CASZ1: variants seen among roughly 807,000 people sequenced by gnomAD.
The protein encoded by CASZ1 is castor zinc finger 1.
CASZ1 carries 28 observed loss-of-function variants against 135.2 expected under a neutral mutation model. The observed-to-expected ratio is 0.21, with a 90% CI of 0.15 to 0.28. The LOEUF is 0.28. Among genes scored for constraint, CASZ1 ranks in the 10% least tolerant of loss-of-function variants. The probability of loss-of-function intolerance (pLI) is 1.00; values close to 1 mark genes in which losing one functional copy is unlikely to be tolerated. For missense variants in CASZ1, 2,161 were observed against 2,453.3 expected (o/e 0.88, Z 2.52); for synonymous variants, 1,068 against 1,073.4 (o/e 0.99, Z 0.10).
intron 1 of CASZ1, among the ~76,000 whole-genome samples, chr1:10,770,021 C>G (rs1640547224): frequency 6.6e-6 from 1 of 152,220 alleles, no homozygotes; most frequent in South Asian, 2.1e-4. Context: ...AACCAGGTAT[C>G]TCTGTCTCCC....
intron 2 of CASZ1, among the ~76,000 whole-genome samples, chr1:10,752,988 G>C (rs1174721492): frequency 6.6e-6 from 1 of 152,152 alleles, no homozygotes; most frequent in Non-Finnish European, 1.5e-5. Flanking sequence ...AGCAAGCCGA[G>C]ATTGTGCCAT....
intron 2 of CASZ1, among the ~76,000 whole-genome samples, chr1:10,716,527 T>C (rs1377426637): frequency 6.6e-6 from 1 of 152,232 alleles, no homozygotes; most frequent in African/African-American, 2.4e-5. Flanking sequence ...GTGGCTGCAC[T>C]TGAGCCCCTG....
chr1:10,703,616 C>T (rs946886801), intron 3 of CASZ1, among the ~76,000 whole-genome samples: 5 of 151,062 alleles, frequency 3.3e-5, no homozygotes, highest in Middle Eastern at 3.2e-3. Flanking sequence ...ACCTGTGGGG[C>T]TTTTTTTTTC....
intron 13 of CASZ1, 79 bp from the exon 14 acceptor site, chr1:10,649,516 G>A: frequency 6.8e-7 from 1 of 1,470,674 alleles, no homozygotes; most frequent in South Asian, 1.3e-5. Flanking sequence ...AACAGCCGAA[G>A]CTCTGGGCTG....
At chr1:10,728,455 C>A (rs186630752) in intron 2 of CASZ1, among the ~76,000 whole-genome samples, 56 of 152,326 alleles carry the variant, frequency 3.7e-4, no homozygotes, top group African/African-American at 1.3e-3. Context: ...CCAGGACAAT[C>A]CTGTCCCACT....
intron 4 of CASZ1, among the ~76,000 whole-genome samples, chr1:10,668,935 G>C (rs565986758): frequency 6.6e-6 from 1 of 152,360 alleles, no homozygotes; most frequent in South Asian, 2.1e-4. Flanking sequence ...AGAGGCAGGG[G>C]ACAGAGAAGA....
At chr1:10,651,878 A>G (rs1463460805) in intron 11 of CASZ1, 1 of 152,180 alleles carries the variant, frequency 6.6e-6, no homozygotes, top group Non-Finnish European at 1.5e-5. Context: ...TTTTGGGAGA[A>G]GGAGACTTTT....
intron 5 of CASZ1, among the ~76,000 whole-genome samples, chr1:10,661,852 A>C (rs1001539704): frequency 6.6e-6 from 1 of 152,004 alleles, no homozygotes; most frequent in African/African-American, 2.4e-5. Context: ...ACACACATGC[A>C]TTCTCATACA....
rs1362894952 is a variant in CASZ1 at position 10,653,722 on chromosome 1, C to G, written c.2335G>C (p.Gly779Arg). The stretch of plus-strand genomic sequence containing the variant: ...GCCAGGGGGATTGAGCCAGGCAGGC[C>G]CTGGGGCAGCAGCCCCGAGATCTTG... ...NSKISGLLPQGLPGSIPLALA... is the reference protein window; with the variant it reads ...NSKISGLLPQRLPGSIPLALA... The change falls in exon 11 of 21, where the codon GGC becomes CGC. Residue 779 changes from glycine to arginine, a missense_variant. This residue lies in a region of CASZ1 where 406 missense variants were observed against 387.6 expected (regional missense o/e 1.05). Transcript: ENST00000377022. 6.2e-7 allele frequency: 1 copy of G among 1,603,962 alleles called. No individual in the cohort carries two copies. Among genetic ancestry groups the G allele is most frequent in the Non-Finnish European group, 8.5e-7 (1 of 1,174,876 alleles).
rs1232820889 is a variant in CASZ1, at chr1:10,679,026, G to T, written c.17-13455C>A. Among the ~76,000 whole-genome samples the T allele has an allele frequency of 3.9e-5, 6 of 152,010 alleles. No homozygotes were observed. The highest frequency in any genetic ancestry group is 8.8e-5 in the Non-Finnish European group (6 of 67,988). ...GTGAGCCAGCCCACCCCTGGCTTCC[G>T]CTCTCTGGCTATCTCTGGCCTATGC... On this transcript the variant is annotated intron_variant, in intron 4 of 20. Transcript: ENST00000377022. This position sits in a 1 kb window ranked among gnomAD's most constrained non-coding sequence, Gnocchi z 4.7.
At chr1:10,653,206 T>A in intron 11 of CASZ1, 171 bp downstream of exon 11, 1 of 741,032 alleles carries the variant, frequency 1.3e-6, no homozygotes, top group Non-Finnish European at 2.3e-6. Context: ...GGGCCCCACA[T>A]AGAAACCAAC....
chr1:10,755,645 G>A lies in CASZ1; in HGVS notation c.-77+5056C>T, dbSNP rs205485. Among the ~76,000 whole-genome samples the A allele has an allele frequency of 2.0e-5, 3 of 152,034 alleles. No individual in the cohort carries two copies. Among genetic ancestry groups the A allele is most frequent in the Admixed American group, 6.5e-5 (1 of 15,278 alleles). ...CCTGCATCTGCTCCGAAGGCAGGGG[G>A]TGTGGGGAGAACGGAGGAAGGAGGC... On this transcript the variant is annotated intron_variant, in intron 2 of 20. Coordinates refer to ENST00000377022, the MANE Select transcript of CASZ1 (RefSeq NM_001079843.3). This position sits in a 1 kb window ranked among gnomAD's most constrained non-coding sequence, Gnocchi z 4.3.
At chr1:10,690,199 G>A (rs1490407611) in intron 4 of CASZ1, among the ~76,000 whole-genome samples, 1 of 152,224 alleles carries the variant, frequency 6.6e-6, no homozygotes. Context: ...TGCCTGGCAG[G>A]TCGAAGGTGT....
intron 1 of CASZ1, among the ~76,000 whole-genome samples, chr1:10,793,651 G>A (rs1641002407): frequency 7.1e-6 from 1 of 140,326 alleles, no homozygotes; most frequent in South Asian, 2.3e-4. Context: ...CCTGATTACT[G>A]AAGTTCAACA....
chr1:10,760,656 C>T (rs924921536), intron 2 of CASZ1, 45 bp downstream of exon 2: 1 of 152,386 alleles, frequency 6.6e-6, no homozygotes, highest in Non-Finnish European at 1.5e-5. Context: ...CCAAACTGGC[C>T]ACCCCACACT....
In CASZ1 at chr1:10,776,399, G is replaced by A. The variant is rs548132865; in HGVS notation, c.-233-15542C>T. Reference sequence around the variant, plus strand: ...CTCCTGCCCAGATGGCGCTCACCCCGGGCATGGAGCCTGCCCCTTTCTCCA... The same window carrying A: ...CTCCTGCCCAGATGGCGCTCACCCCAGGCATGGAGCCTGCCCCTTTCTCCA... On this transcript the variant is annotated intron_variant, in intron 1 of 20. Transcript: ENST00000377022. This position sits in a 1 kb window ranked among gnomAD's most constrained non-coding sequence, Gnocchi z 4.1. Among the ~76,000 whole-genome samples, 1 of 152,298 alleles carries A rather than the reference G, an allele frequency of 6.6e-6. No homozygotes were observed. The highest frequency in any genetic ancestry group is 2.4e-5 in the African/African-American group (1 of 41,566).
intron 20 of CASZ1, among the ~76,000 whole-genome samples, chr1:10,640,443 C>A (rs966107253): frequency 6.6e-6 from 1 of 152,216 alleles, no homozygotes; most frequent in Non-Finnish European, 1.5e-5. Flanking sequence ...CCAAGTTGGA[C>A]TCGGGCCAAG....
At chr1:10,737,800 G>T (rs1639829293) in intron 2 of CASZ1, among the ~76,000 whole-genome samples, 1 of 152,230 alleles carries the variant, frequency 6.6e-6, no homozygotes, top group Admixed American at 6.5e-5. Flanking sequence ...TGCTCGGAGG[G>T]CTGTGGATCA....
chr1:10,795,580 A>G (rs1641050553), intron 1 of CASZ1, among the ~76,000 whole-genome samples: 1 of 152,040 alleles, frequency 6.6e-6, no homozygotes, highest in South Asian at 2.1e-4. Context: ...GGCGCACACA[A>G]CAGCCGGCAA....
Sources: gnomAD v4.1 joint callset for allele counts (sites outside exome capture counted in the v4.1 genomes callset) on GRCh38, gnomAD v4.1.1 for gene constraint, gnomAD v4.1.1 regional missense constraint, Gnocchi (gnomAD v3.1) non-coding constraint, MANE v1.5 for transcripts, NCBI Gene and HGNC (gene_info 2026-07-23, HGNC 2026-07-21) for gene names.